INPP4B: variants seen among roughly 807,000 people sequenced by gnomAD.
INPP4B encodes inositol polyphosphate 4-phosphatase type II.
In INPP4B, 55 loss-of-function variants were observed where a neutral mutation model predicts 122.5. The observed-to-expected ratio is 0.45, with a 90% confidence interval of 0.36 to 0.56. The LOEUF (loss-of-function observed/expected upper bound fraction) is 0.56. Ranked by LOEUF, INPP4B falls within the 20% of genes least tolerant of loss-of-function variation. INPP4B has a pLI of 0.00. For synonymous variants in INPP4B, 403 were observed against 388.7 expected (o/e 1.04, Z -0.43); for missense variants, 1,000 against 1,097.7 (o/e 0.91, Z 1.26).
intron 3 of INPP4B, among the ~76,000 whole-genome samples, chr4:142,439,659 A>G: frequency 6.6e-6 from 1 of 152,214 alleles, no homozygotes; most frequent in East Asian, 1.9e-4. Context: ...AGCAGCATAC[A>G]AGTAAGAAAG....
rs537545228 is a variant in INPP4B at position 142,137,133 on chromosome 4, T to G, written c.1720+8707A>C. Among the ~76,000 whole-genome samples, 10 of 152,304 alleles carry G rather than the reference T, an allele frequency of 6.6e-5. 2 individuals carry two copies. The highest frequency in any genetic ancestry group is 3.4e-3 in the Middle Eastern group (1 of 294). On this transcript the variant is annotated intron_variant, in intron 18 of 25. Coordinates refer to ENST00000262992, the MANE Select transcript of INPP4B (RefSeq NM_001101669.3). ...GGCATCATGCTACCTGACTTCAAAC[T>G]ATACTACAAGGCTACAGTGACCAAA...
rs188731833 is a variant in INPP4B, at chr4:142,276,696, G to A, written c.504-5922C>T. Among the ~76,000 whole-genome samples the A allele has an allele frequency of 5.1e-3, 770 of 151,852 alleles. 10 individuals are homozygous for A. The highest frequency in any genetic ancestry group is 0.018 in the African/African-American group (733 of 41,488). On this transcript the variant is annotated intron_variant, in intron 9 of 25. Coordinates refer to ENST00000262992, the MANE Select transcript of INPP4B (RefSeq NM_001101669.3). ...GAGTAGTATCATTTATATAGCCTGG[G>A]CCACAAAGCTTCAAGAGCATGACGT...
chr4:142,085,041 A>C (rs146143418), intron 24 of INPP4B, among the ~76,000 whole-genome samples: 1,685 of 152,352 alleles, frequency 0.011, 29 homozygotes, highest in African/African-American at 0.038. Flanking sequence ...GTAATACAGT[A>C]TGGTGCTAAA....
intron 12 of INPP4B, among the ~76,000 whole-genome samples, chr4:142,217,417 T>C (rs1847750268): frequency 1.3e-5 from 2 of 152,172 alleles, no homozygotes; most frequent in Non-Finnish European, 2.9e-5. Context: ...TGCTTGCAGA[T>C]TGTTGTTCTT....
intron 11 of INPP4B, among the ~76,000 whole-genome samples, chr4:142,240,071 CTTTTT>C (rs397878976): frequency 4.5e-5 from 6 of 132,518 alleles, no homozygotes; most frequent in African/African-American, 1.6e-4. Flanking sequence ...TTATTGTTTT[CTTTTT>C]TTTTTTTTTT....
chr4:142,764,274 A>C (rs1771762883), intron 1 of INPP4B, among the ~76,000 whole-genome samples: 1 of 152,076 alleles, frequency 6.6e-6, no homozygotes, highest in South Asian at 2.1e-4. Flanking sequence ...TTCTCACTAA[A>C]CTCTTAGGTT....
chr4:142,111,787 A>G (rs1322826448), intron 22 of INPP4B, among the ~76,000 whole-genome samples: 1 of 152,224 alleles, frequency 6.6e-6, no homozygotes, highest in East Asian at 1.9e-4. Context: ...TCTGCCGCCC[A>G]GGCTAGAGTA....
At chr4:142,593,108 A>ATTT (rs762356732) in intron 2 of INPP4B, among the ~76,000 whole-genome samples, 4,588 of 150,734 alleles carry the variant, frequency 0.03, 91 homozygotes, top group Middle Eastern at 0.048. Flanking sequence ...TGTTTTTAAA[A>ATTT]AAAAAAAAAA....
At chr4:142,789,079 T>C (rs1292344678) in intron 1 of INPP4B, among the ~76,000 whole-genome samples, 1 of 152,062 alleles carries the variant, frequency 6.6e-6, no homozygotes, top group South Asian at 2.1e-4. Flanking sequence ...ACAAGGGACA[T>C]ACCACAATGT....
At chr4:142,654,377 A>AAC (rs1283165366) in intron 2 of INPP4B, 2 of 151,104 alleles carry the variant, frequency 1.3e-5, no homozygotes, top group Admixed American at 6.6e-5. Context: ...TAAAAAAAAA[A>AAC]AAAAAAAAAA....
chr4:142,426,246 A>G (rs955455292), intron 5 of INPP4B, among the ~76,000 whole-genome samples: 1 of 151,988 alleles, frequency 6.6e-6, no homozygotes. Context: ...TATTTTATAT[A>G]CTTGTCAAGA....
intron 15 of INPP4B, among the ~76,000 whole-genome samples, chr4:142,181,974 G>C (rs1830976192): frequency 6.6e-6 from 1 of 152,056 alleles, no homozygotes; most frequent in African/African-American, 2.4e-5. Flanking sequence ...GAATTGACTA[G>C]ACCAACTACA....
chr4:142,827,047 T>C (rs543812355), intron 1 of INPP4B, among the ~76,000 whole-genome samples: 4 of 152,316 alleles, frequency 2.6e-5, no homozygotes, highest in African/African-American at 9.6e-5. Context: ...CTGCCTGCCA[T>C]ACTGTGCCTA....
At chr4:142,283,361 T>A (rs1373942270) in intron 9 of INPP4B, among the ~76,000 whole-genome samples, 1 of 152,146 alleles carries the variant, frequency 6.6e-6, no homozygotes, top group East Asian at 1.9e-4. Context: ...TGTTCAATTA[T>A]CATTAGGTCG....
At chr4:142,238,962 G>A (rs1857904563) in intron 11 of INPP4B, among the ~76,000 whole-genome samples, 1 of 152,010 alleles carries the variant, frequency 6.6e-6, no homozygotes, top group East Asian at 1.9e-4. Flanking sequence ...GCTGGCTTCA[G>A]TTTACAATAA....
At chr4:142,637,282 C>T (rs1489196685) in intron 2 of INPP4B, among the ~76,000 whole-genome samples, 2 of 152,112 alleles carry the variant, frequency 1.3e-5, no homozygotes, top group African/African-American at 2.4e-5. Context: ...TGAGGATATA[C>T]ACCATTGTAG....
At chr4:142,426,361 C>A (rs1325875771) in intron 5 of INPP4B, 1 of 151,894 alleles carries the variant, frequency 6.6e-6, no homozygotes, top group Non-Finnish European at 1.5e-5. Context: ...GAAATCAAAA[C>A]AATTTTATTA....
intron 3 of INPP4B, among the ~76,000 whole-genome samples, chr4:142,452,285 C>A (rs753365689): frequency 4.6e-5 from 7 of 152,126 alleles, no homozygotes; most frequent in African/African-American, 7.2e-5. Flanking sequence ...CAGATCTGAA[C>A]CAGAATTTGA....
intron 15 of INPP4B, among the ~76,000 whole-genome samples, chr4:142,188,518 A>AAAAATAT (rs1834267141): frequency 3.8e-5 from 4 of 105,096 alleles, no homozygotes; most frequent in Non-Finnish European, 5.6e-5. Flanking sequence ...AAAGAAAAAA[A>AAAAATAT]ATATATATAG....
Sources: allele counts gnomAD v4.1 joint callset (sites outside exome capture counted in the v4.1 genomes callset), GRCh38; gene constraint gnomAD v4.1.1; transcripts MANE v1.5; gene names NCBI Gene and HGNC (gene_info 2026-07-23, HGNC 2026-07-21).